LINGO1: variants seen among roughly 807,000 people sequenced by gnomAD.
The protein encoded by LINGO1 is leucine-rich repeat and immunoglobulin-like domain-containing nogo receptor-interacting protein 1.
LINGO1 carries 11 observed loss-of-function variants against 37.3 expected under a neutral mutation model. That is an observed-to-expected ratio of 0.29 (90% CI 0.19 to 0.49). The LOEUF (loss-of-function observed/expected upper bound fraction) is 0.49, where lower values mean the gene tolerates loss of function less well. LINGO1 is among the 20% of genes least tolerant of loss of function. LINGO1 has a pLI of 0.99. For synonymous variants in LINGO1, 387 were observed against 403.0 expected (o/e 0.96, Z 0.48); for missense variants, 585 against 878.2 (o/e 0.67, Z 4.22).
intron 1 of LINGO1, among the ~76,000 whole-genome samples, chr15:77,631,743 C>T (rs2074260753): frequency 6.6e-6 from 1 of 152,250 alleles, no homozygotes; most frequent in South Asian, 2.1e-4. Context: ...TCCCGGTCCC[C>T]AACTCCCTTC....
chr15:77,768,477 C>G (rs1249735150), intron 1 of LINGO1, among the ~76,000 whole-genome samples: 1 of 152,176 alleles, frequency 6.6e-6, no homozygotes, highest in Non-Finnish European at 1.5e-5. Context: ...TCACATTAAG[C>G]AAATAAAGCA....
intron 2 of LINGO1, among the ~76,000 whole-genome samples, chr15:77,711,402 C>G (rs2075916498): frequency 6.6e-6 from 1 of 152,210 alleles, no homozygotes; most frequent in Admixed American, 6.5e-5. Flanking sequence ...CTTTGACACT[C>G]TGGGGGCCAC....
At chr15:77,765,301 G>A (rs1031095418) in intron 1 of LINGO1, among the ~76,000 whole-genome samples, 3 of 151,958 alleles carry the variant, frequency 2.0e-5, no homozygotes, top group Admixed American at 6.6e-5. Flanking sequence ...TGTAATCCCA[G>A]TTACTCTGGA....
At chr15:77,653,538 C>T (rs2074806349) in intron 3 of LINGO1, among the ~76,000 whole-genome samples, 1 of 152,174 alleles carries the variant, frequency 6.6e-6, no homozygotes, top group Admixed American at 6.5e-5. Flanking sequence ...CTTATGAAGC[C>T]CTTAATAAAG....
At chr15:77,727,153 C>A (rs2076110463) in intron 2 of LINGO1, among the ~76,000 whole-genome samples, 1 of 152,172 alleles carries the variant, frequency 6.6e-6, no homozygotes, top group Non-Finnish European at 1.5e-5. Flanking sequence ...AATGGGGCAA[C>A]CACTAAATTA....
intron 1 of LINGO1, among the ~76,000 whole-genome samples, chr15:77,745,280 GCC>G (rs1455044318): frequency 6.6e-6 from 1 of 151,796 alleles, no homozygotes; most frequent in East Asian, 1.9e-4. Context: ...CAAAAAATTA[GCC>G]AGGCGTGGTG....
intron 3 of LINGO1, among the ~76,000 whole-genome samples, chr15:77,647,615 G>A (rs1480971978): frequency 6.6e-6 from 1 of 152,192 alleles, no homozygotes; most frequent in Admixed American, 6.5e-5. Flanking sequence ...GGGTGGGCCT[G>A]CTGGCAGCTG....
At chr15:77,754,990 G>C in intron 1 of LINGO1, among the ~76,000 whole-genome samples, 1 of 152,208 alleles carries the variant, frequency 6.6e-6, no homozygotes, top group East Asian at 1.9e-4. Context: ...ACTTATCTGG[G>C]GGCTGTGCAC....
intron 1 of LINGO1, among the ~76,000 whole-genome samples, chr15:77,771,783 C>T (rs956548163): frequency 3.9e-5 from 6 of 152,210 alleles, no homozygotes; most frequent in Admixed American, 2.6e-4. Flanking sequence ...GGCAACTCCA[C>T]AGGGGCAGCA....
chr15:77,728,590 T>TC (rs1435145955), intron 2 of LINGO1, among the ~76,000 whole-genome samples: 5 of 152,186 alleles, frequency 3.3e-5, no homozygotes, highest in African/African-American at 1.2e-4. Context: ...CCTCATCCAC[T>TC]CCCTCCTAGC....
chr15:77,614,320 G>A lies in LINGO1; in HGVS notation c.1587C>T (p.Phe529=), dbSNP rs368812956. 4.1e-5 allele frequency: 66 copies of A among 1,613,982 alleles called. No individual in the cohort carries two copies. Among genetic ancestry groups the A allele is most frequent in the Middle Eastern group, 1.6e-4 (1 of 6,062 alleles). Residue 529 remains phenylalanine, a synonymous_variant, in exon 2 of 2, where the codon TTC becomes TTT. Coordinates refer to ENST00000355300, the MANE Select transcript of LINGO1 (RefSeq NM_032808.7). Reference sequence around the variant, plus strand: ...CGCCCGGCTGGTTGGAGATGAAAGCGAAGGTCTTGTTGGGCTGATGGGGCC... The same window carrying A: ...CGCCCGGCTGGTTGGAGATGAAAGCAAAGGTCTTGTTGGGCTGATGGGGCC... ...PDWPHQPNKT[F]AFISNQPGEG...
At chr15:77,705,030 T>A (rs1028150757) in intron 2 of LINGO1, among the ~76,000 whole-genome samples, 1 of 152,082 alleles carries the variant, frequency 6.6e-6, no homozygotes. Context: ...GCTGGGTTAA[T>A]CTTCTGTCAT....
chr15:77,774,200 G>A (rs1340038387), intron 1 of LINGO1, among the ~76,000 whole-genome samples: 1 of 152,064 alleles, frequency 6.6e-6, no homozygotes, highest in Non-Finnish European at 1.5e-5. Context: ...GTGCACGGAG[G>A]AAGTTAACTC....
chr15:77,761,445 C>A (rs145659373), intron 1 of LINGO1, among the ~76,000 whole-genome samples: 1 of 152,276 alleles, frequency 6.6e-6, no homozygotes, highest in African/African-American at 2.4e-5. Flanking sequence ...TTGGGACAGG[C>A]ATTCTTTATT....
chr15:77,780,337 G>C (rs1190708101), intron 1 of LINGO1, among the ~76,000 whole-genome samples: 2 of 152,142 alleles, frequency 1.3e-5, no homozygotes, highest in Non-Finnish European at 2.9e-5. Flanking sequence ...TCCCCACTCA[G>C]ATGGCCAACA....
chr15:77,809,234 C>T (rs1003640706), intron 1 of LINGO1, among the ~76,000 whole-genome samples: 1 of 152,240 alleles, frequency 6.6e-6, no homozygotes, highest in Non-Finnish European at 1.5e-5. Context: ...GGTCAGCTCT[C>T]AGCCATCCTC....
At chr15:77,623,291 G>A (rs762201786) in intron 1 of LINGO1, among the ~76,000 whole-genome samples, 1 of 152,094 alleles carries the variant, frequency 6.6e-6, no homozygotes. Flanking sequence ...AGGTGTGCAG[G>A]GGGGAAGGGA....
intron 1 of LINGO1, among the ~76,000 whole-genome samples, chr15:77,755,121 C>A (rs2076407458): frequency 6.6e-6 from 1 of 152,190 alleles, no homozygotes; most frequent in Admixed American, 6.5e-5. Context: ...TGGAGCACAG[C>A]CAGGTCCCCA....
At chr15:77,816,884 A>G (rs551501669) in intron 1 of LINGO1, among the ~76,000 whole-genome samples, 1 of 152,296 alleles carries the variant, frequency 6.6e-6, no homozygotes, top group East Asian at 1.9e-4. Flanking sequence ...GCCATGCTCC[A>G]GCCACCTGGA....
Sources: gnomAD v4.1 joint callset for allele counts (sites outside exome capture counted in the v4.1 genomes callset) on GRCh38, gnomAD v4.1.1 for gene constraint, MANE v1.5 for transcripts, NCBI Gene and HGNC (gene_info 2026-07-23, HGNC 2026-07-21) for gene names.